The following PLPPR5 variants were observed in gnomAD, a reference collection of about 807,000 sequenced individuals.
PLPPR5 encodes phospholipid phosphatase related 5, also known as phospholipid phosphatase-related protein type 5.
Under a neutral mutation model 33.9 loss-of-function variants are expected in PLPPR5, and 16 were observed. The ratio of observed to expected loss-of-function variants is 0.47; its 90% CI spans 0.32 to 0.72. The LOEUF is 0.72. PLPPR5 is among the 30% of genes least tolerant of loss of function. The probability of loss-of-function intolerance (pLI) is 0.03; values close to 1 mark genes in which losing one functional copy is unlikely to be tolerated. For missense variants in PLPPR5, 301 were observed against 406.7 expected (o/e 0.74, Z 2.23); for synonymous variants, 163 against 150.3 (o/e 1.08, Z -0.62).
intron 3 of PLPPR5, among the ~76,000 whole-genome samples, chr1:98,924,649 C>T (rs892867592): frequency 1.3e-5 from 2 of 152,166 alleles, no homozygotes; most frequent in African/African-American, 2.4e-5. Context: ...TACAGTCCAG[C>T]CCTTACTTGT....
intron 1 of PLPPR5, among the ~76,000 whole-genome samples, chr1:98,989,545 A>G (rs1019970428): frequency 3.9e-5 from 6 of 152,264 alleles, no homozygotes; most frequent in African/African-American, 1.4e-4. Flanking sequence ...AAAGAGGAGA[A>G]CTGTTAAATA....
intron 3 of PLPPR5, among the ~76,000 whole-genome samples, chr1:98,939,888 C>A (rs190730018): frequency 6.6e-6 from 1 of 152,078 alleles, no homozygotes; most frequent in East Asian, 1.9e-4. Context: ...CTTAAATCAA[C>A]TTGACTCATT....
intron 3 of PLPPR5, among the ~76,000 whole-genome samples, chr1:98,932,203 T>C (rs1650001109): frequency 6.6e-6 from 1 of 152,218 alleles, no homozygotes; most frequent in Admixed American, 6.5e-5. Flanking sequence ...GTGGAAACAC[T>C]GTACCTCATG....
intron 2 of PLPPR5, among the ~76,000 whole-genome samples, chr1:98,954,342 C>T (rs533095478): frequency 5.9e-5 from 9 of 151,906 alleles, no homozygotes; most frequent in Non-Finnish European, 8.8e-5. Context: ...TAAAACTATC[C>T]CAAAGTAATA....
Position 99,004,719 on chromosome 1 carries a change from C to T in PLPPR5, c.-48G>A, listed in dbSNP as rs1276659438. On this transcript the variant is annotated 5_prime_UTR_variant, in exon 1 of 6. Transcript: ENST00000263177. ...AGCCGAGCCGAGCGGGCGGTCGACG[C>T]GGTGGGCCCCCTCCCCGGTCCGCCG... is the stretch of plus-strand genomic sequence containing the variant. The T allele has an allele frequency of 7.7e-7, 1 of 1,294,004 alleles. No individual in the cohort carries two copies. Among genetic ancestry groups the T allele is most frequent in the Non-Finnish European group, 1.0e-6 (1 of 993,238 alleles). The allele number at this position is 1,294,004 out of a possible 1,614,324, so 80.2% of individuals were successfully genotyped here.
At chr1:98,970,130 A>T (rs866806981) in intron 1 of PLPPR5, among the ~76,000 whole-genome samples, 2 of 152,058 alleles carry the variant, frequency 1.3e-5, no homozygotes, top group South Asian at 2.1e-4. Context: ...CATTTGAAGG[A>T]CTTTATTTTT....
intron 3 of PLPPR5, among the ~76,000 whole-genome samples, chr1:98,948,185 C>A (rs1650631698): frequency 6.6e-6 from 1 of 152,230 alleles, no homozygotes; most frequent in South Asian, 2.1e-4. Context: ...TGCTCCTGTA[C>A]AGAATTAGGT....
In PLPPR5 at chr1:98,892,262, T is replaced by G. The variant is rs1431954759; in HGVS notation, c.*810A>C. 1 of 152,390 alleles carries G rather than the reference T, an allele frequency of 6.6e-6. No individual in the cohort carries two copies. Among genetic ancestry groups the G allele is most frequent in the Non-Finnish European group, 1.5e-5 (1 of 67,970 alleles). 9.4% of individuals were successfully genotyped at this position (152,390 alleles called of 1,614,324 possible). On this transcript the variant is annotated 3_prime_UTR_variant, in exon 6 of 6. Coordinates refer to ENST00000263177, the MANE Select transcript of PLPPR5 (RefSeq NM_001037317.2). The stretch of plus-strand genomic sequence containing the variant: ...GACACTGCTACCCATGGGAAATTAC[T>G]CAATAATAAGGTACCAGTGCTGAAT...
At chr1:98,984,564 C>T (rs1413927343) in intron 1 of PLPPR5, among the ~76,000 whole-genome samples, 1 of 152,056 alleles carries the variant, frequency 6.6e-6, no homozygotes, top group Non-Finnish European at 1.5e-5. Flanking sequence ...ATTAAGCCCA[C>T]TCAGGAACAC....
chr1:98,959,794 T>A (rs1651160104), intron 1 of PLPPR5, among the ~76,000 whole-genome samples: 1 of 152,200 alleles, frequency 6.6e-6, no homozygotes, highest in South Asian at 2.1e-4. Flanking sequence ...CTCAGTCCGA[T>A]GAGCCAAGGT....
At position 98,946,410 on chromosome 1, in the gene PLPPR5, A is replaced by T. The variant is rs377031239; in HGVS notation, c.621+6660T>A. Reference sequence around the variant, plus strand: ...AAGTCATAAAGCCTCAGGTTGGTTTACAAAGTCTTCCTGATTTATTCACCC... The same window carrying T: ...AAGTCATAAAGCCTCAGGTTGGTTTTCAAAGTCTTCCTGATTTATTCACCC... On this transcript the variant is annotated intron_variant, in intron 3 of 5. Transcript: ENST00000263177. Among the ~76,000 whole-genome samples, 65 of 152,282 alleles carry T rather than the reference A, an allele frequency of 4.3e-4. No homozygotes were observed. The Middle Eastern group carries it at 0.01, about 24-fold the overall frequency.
intron 5 of PLPPR5, among the ~76,000 whole-genome samples, chr1:98,912,337 A>G (rs140219570): frequency 7.9e-4 from 121 of 152,296 alleles, no homozygotes; most frequent in African/African-American, 2.8e-3. Flanking sequence ...GAACAATTCA[A>G]TGGCTTAGAG....
chr1:98,974,053 C>T (rs182063425), intron 1 of PLPPR5, among the ~76,000 whole-genome samples: 160 of 151,922 alleles, frequency 1.1e-3, no homozygotes, highest in African/African-American at 3.6e-3. Flanking sequence ...AGCAAAAGGG[C>T]ACATGCAAAT....
At chr1:98,977,889 TA>T (rs1651917581) in intron 1 of PLPPR5, among the ~76,000 whole-genome samples, 1 of 151,884 alleles carries the variant, frequency 6.6e-6, no homozygotes, top group Admixed American at 6.6e-5. Flanking sequence ...TACAAACCAG[TA>T]ACCAAAGAAA....
At chr1:98,976,105 A>AAAAAAAAAAAAC in intron 1 of PLPPR5, among the ~76,000 whole-genome samples, 1 of 151,176 alleles carries the variant, frequency 6.6e-6, no homozygotes, top group Non-Finnish European at 1.5e-5. Context: ...AAAAAAAAAA[A>AAAAAAAAAAAAC]AAAAAAAAAG....
intron 4 of PLPPR5, among the ~76,000 whole-genome samples, chr1:98,920,456 CA>C (rs67392220): frequency 0.64 from 60,553 of 94,148 alleles, 16,856 homozygotes; most frequent in East Asian, 0.72. Flanking sequence ...TGAGTCAATG[CA>C]AAAAAAAAAA....
At chr1:98,930,782 A>G (rs530435045) in intron 3 of PLPPR5, among the ~76,000 whole-genome samples, 1 of 152,158 alleles carries the variant, frequency 6.6e-6, no homozygotes, top group Admixed American at 6.5e-5. Flanking sequence ...GTCCTCAGGA[A>G]GTGCTCTTCT....
intron 1 of PLPPR5, among the ~76,000 whole-genome samples, chr1:98,971,575 C>T (rs1651662788): frequency 6.6e-6 from 1 of 151,982 alleles, no homozygotes; most frequent in Non-Finnish European, 1.5e-5. Flanking sequence ...CCCCTTCATC[C>T]TTGTGAATAT....
Position 98,920,593 on chromosome 1 carries a change from C to CAAAAAA in PLPPR5, c.798+1283_798+1288dup, listed in dbSNP as rs763477562. Among the ~76,000 whole-genome samples the CAAAAAA allele has an allele frequency of 3.0e-3, 205 of 69,008 alleles. 20 individuals carry two copies. Among genetic ancestry groups the CAAAAAA allele is most frequent in the Middle Eastern group, 0.01 (1 of 100 alleles). The allele number at this position is 69,008 out of a possible 152,430, so 45.3% of individuals were successfully genotyped here. A position where few individuals can be genotyped will look rare whatever the true frequency, so the allele number is the denominator to read the frequency against. On this transcript the variant is annotated intron_variant, in intron 4 of 5. Coordinates refer to ENST00000263177, the MANE Select transcript of PLPPR5 (RefSeq NM_001037317.2). The stretch of plus-strand genomic sequence containing the variant: ...TGGGAATCACAGAGAGTGGTATCAC[C>CAAAAAA]AAAAAAAAAAAAAAAAGCAGCACAG...
Sources: allele counts gnomAD v4.1 joint callset (sites outside exome capture counted in the v4.1 genomes callset), GRCh38; gene constraint gnomAD v4.1.1; transcripts MANE v1.5; gene names NCBI Gene and HGNC (gene_info 2026-07-23, HGNC 2026-07-21).